The following AFG3L2 variants were observed in gnomAD, a reference collection of about 807,000 sequenced individuals.
AFG3L2 encodes the protein mitochondrial inner membrane m-AAA protease component AFG3L2.
In AFG3L2, 54 loss-of-function variants were observed where a neutral mutation model predicts 94.5. That is an observed-to-expected ratio of 0.57 (90% CI 0.46 to 0.72). The LOEUF (loss-of-function observed/expected upper bound fraction) is 0.72. Among genes scored for constraint, AFG3L2 ranks in the 30% least tolerant of loss-of-function variants. The probability of loss-of-function intolerance (pLI) is 0.00; values close to 1 mark genes in which losing one functional copy is unlikely to be tolerated. For synonymous variants in AFG3L2, 377 were observed against 365.5 expected (o/e 1.03, Z -0.36); for missense variants, 754 against 994.9 (o/e 0.76, Z 3.26).
At position 12,353,091 on chromosome 18, in the gene AFG3L2, G is replaced by A; in HGVS notation, c.1232C>T (p.Ala411Val). 7 of 1,614,112 alleles carry A rather than the reference G, an allele frequency of 4.3e-6. No individual in the cohort carries two copies. The highest frequency in any genetic ancestry group is 1.3e-5 in the African/African-American group (1 of 75,032). Reference protein sequence around the residue: ...PCILFIDEIDAVGRKRGRGNF... With the variant: ...PCILFIDEIDVVGRKRGRGNF... ...GCCTCTTCCTCTCTTCCTTCCCACCGCATCGATTTCATCGATGAAGAGGAT... is the reference window on the plus strand; with the variant it reads ...GCCTCTTCCTCTCTTCCTTCCCACCACATCGATTTCATCGATGAAGAGGAT... Residue 411 changes from alanine to valine, a missense_variant, in exon 10 of 17, where the codon GCG (alanine) becomes GTG (valine). This residue lies in a region of AFG3L2 where 109 missense variants were observed against 227.1 expected (regional missense o/e 0.48). Coordinates refer to ENST00000269143, the MANE Select transcript of AFG3L2 (RefSeq NM_006796.3).
intron 12 of AFG3L2, among the ~76,000 whole-genome samples, chr18:12,349,951 C>T (rs932686199): frequency 2.7e-5 from 4 of 150,408 alleles, no homozygotes; most frequent in African/African-American, 7.5e-5. Flanking sequence ...TGTGAGCCAC[C>T]GTACCTGGCC....
intron 3 of AFG3L2, among the ~76,000 whole-genome samples, chr18:12,368,992 G>T (rs1489063312): frequency 6.6e-6 from 1 of 152,032 alleles, no homozygotes; most frequent in African/African-American, 2.4e-5. Flanking sequence ...ATCCTCAGTG[G>T]CTATGTAACA....
chr18:12,362,353 C>T (rs1009916144), intron 6 of AFG3L2, among the ~76,000 whole-genome samples: 2 of 152,168 alleles, frequency 1.3e-5, no homozygotes, highest in East Asian at 3.9e-4. Flanking sequence ...AGGTAATATA[C>T]ATTCGCTGTA....
At chr18:12,359,883 G>A (rs1908606083) in intron 7 of AFG3L2, 44 bp downstream of exon 7, 2 of 1,610,212 alleles carry the variant, frequency 1.2e-6, no homozygotes, top group Non-Finnish European at 1.7e-6. Flanking sequence ...GTGAACCACA[G>A]GCAGCACAGT....
rs1050447923 is a variant in AFG3L2, at chr18:12,377,052, G to A, written c.31C>T (p.Arg11Trp). The change falls in exon 1 of 17, where the codon CGG becomes TGG. Residue 11 changes from arginine (R) to tryptophan (W), a missense_variant. Transcript: ENST00000269143. MAHRCLRLWG[R>W]GGCWPRGLQQ... ...AGGCCGCGGGGCCAGCAGCCGCCCC[G>A]GCCCCACAGCCGCAAACAGCGGTGC... The A allele has an allele frequency of 5.6e-6, 8 of 1,436,036 alleles. No homozygotes were observed. Among genetic ancestry groups the A allele is most frequent in the East Asian group, 3.1e-5 (1 of 32,310 alleles). The allele number at this position is 1,436,036 out of a possible 1,614,324, so 89.0% of individuals were successfully genotyped here.
chr18:12,361,849 T>C (rs920826982), intron 6 of AFG3L2, among the ~76,000 whole-genome samples: 1 of 152,238 alleles, frequency 6.6e-6, no homozygotes, highest in Admixed American at 6.5e-5. Context: ...AAAATTCACA[T>C]GGTTACAAAG....
At chr18:12,367,714 TCA>T (rs1908850285) in intron 3 of AFG3L2, among the ~76,000 whole-genome samples, 2 of 152,282 alleles carry the variant, frequency 1.3e-5, no homozygotes, top group South Asian at 2.1e-4. Flanking sequence ...AGTGAATAAG[TCA>T]CAGAGTTGGG....
intron 16 of AFG3L2, among the ~76,000 whole-genome samples, chr18:12,331,820 T>A (rs1490989840): frequency 9.7e-3 from 20 of 2,054 alleles, no homozygotes; most frequent in African/African-American, 0.015. Flanking sequence ...TATATATATA[T>A]ATATATATAT....
intron 15 of AFG3L2, among the ~76,000 whole-genome samples, chr18:12,338,254 CA>C (rs1907817797): frequency 6.6e-6 from 1 of 152,020 alleles, no homozygotes; most frequent in Admixed American, 6.6e-5. Context: ...ACTATCTGCA[CA>C]AGAGAAAGTA....
At chr18:12,340,051 A>G (rs1907897307) in intron 15 of AFG3L2, 150 bp downstream of exon 15, 10 of 772,302 alleles carry the variant, frequency 1.3e-5, no homozygotes, top group Non-Finnish European at 1.8e-5. Context: ...ATAAGTTTTA[A>G]TTGCTTTACT....
chr18:12,353,936 C>T (rs761620675), intron 9 of AFG3L2, among the ~76,000 whole-genome samples: 5 of 152,140 alleles, frequency 3.3e-5, no homozygotes, highest in Admixed American at 6.5e-5. Context: ...AAAGACCATC[C>T]AAGCCCATCA....
intron 6 of AFG3L2, among the ~76,000 whole-genome samples, chr18:12,362,259 C>A (rs1908683962): frequency 6.6e-6 from 1 of 152,288 alleles, no homozygotes; most frequent in African/African-American, 2.4e-5. Context: ...CAGCACTGCA[C>A]AGTGATTAAT....
At chr18:12,336,384 C>A (rs1436561986) in intron 16 of AFG3L2, among the ~76,000 whole-genome samples, 1 of 152,212 alleles carries the variant, frequency 6.6e-6, no homozygotes, top group East Asian at 1.9e-4. Flanking sequence ...TGGCCCCACT[C>A]AGAAACTGAC....
At chr18:12,346,768 G>A (rs1301550410) in intron 13 of AFG3L2, among the ~76,000 whole-genome samples, 1 of 152,044 alleles carries the variant, frequency 6.6e-6, no homozygotes, top group Non-Finnish European at 1.5e-5. Flanking sequence ...GCCAGGCGTG[G>A]TGGCACGCAC....
intron 5 of AFG3L2, among the ~76,000 whole-genome samples, chr18:12,365,010 C>T (rs761641336): frequency 4.6e-5 from 7 of 152,210 alleles, no homozygotes; most frequent in Admixed American, 6.5e-5. Flanking sequence ...CACCACATCC[C>T]AAGGACTGTA....
At chr18:12,364,590 A>G (rs1226739688) in intron 5 of AFG3L2, among the ~76,000 whole-genome samples, 2 of 152,240 alleles carry the variant, frequency 1.3e-5, no homozygotes, top group Non-Finnish European at 2.9e-5. Flanking sequence ...ATTTGGTAGT[A>G]TAAGACTTCT....
At chr18:12,375,494 G>A (rs927358824) in intron 1 of AFG3L2, among the ~76,000 whole-genome samples, 1 of 152,124 alleles carries the variant, frequency 6.6e-6, no homozygotes, top group African/African-American at 2.4e-5. Context: ...GAGGAGGCGG[G>A]AGGATCGCCT....
chr18:12,357,423 A>G (rs946599095), intron 8 of AFG3L2, among the ~76,000 whole-genome samples: 11 of 152,156 alleles, frequency 7.2e-5, no homozygotes, highest in African/African-American at 2.7e-4. Flanking sequence ...CCATATCCAA[A>G]TACTGTGAGG....
intron 1 of AFG3L2, 75 bp downstream of exon 1, chr18:12,376,894 T>C (rs1005284023): frequency 3.4e-5 from 40 of 1,183,308 alleles, no homozygotes; most frequent in Non-Finnish European, 4.1e-5. Context: ...GCCAGTGACC[T>C]TGACGTCCGC....
Sources: allele counts gnomAD v4.1 joint callset (sites outside exome capture counted in the v4.1 genomes callset), GRCh38; gene constraint gnomAD v4.1.1; regional missense constraint gnomAD v4.1.1; transcripts MANE v1.5; gene names NCBI Gene and HGNC (gene_info 2026-07-23, HGNC 2026-07-21).